The following DLGAP2 variants were observed in gnomAD, a reference collection of about 807,000 sequenced individuals.
The protein encoded by DLGAP2 is disks large-associated protein 2.
DLGAP2 carries 26 observed loss-of-function variants against 100.3 expected under a neutral mutation model. That is an observed-to-expected ratio of 0.26 (90% CI 0.19 to 0.36). The LOEUF (loss-of-function observed/expected upper bound fraction) is 0.36. DLGAP2 is among the 10% of genes least tolerant of loss of function. DLGAP2 has a pLI of 1.00. For synonymous variants in DLGAP2, 886 were observed against 630.1 expected (o/e 1.41, Z -6.08); for missense variants, 1,858 against 1,453.2 (o/e 1.28, Z -4.53).
At chr8:1,364,712 G>T (rs117509880) in intron 3 of DLGAP2, among the ~76,000 whole-genome samples, 7 of 152,186 alleles carry the variant, frequency 4.6e-5, no homozygotes, top group East Asian at 1.9e-4. Flanking sequence ...AAGCTTGCGT[G>T]GGGGAGACAG....
intron 3 of DLGAP2, chr8:1,381,055 A>G (rs1230823113): frequency 6.6e-6 from 1 of 151,950 alleles, no homozygotes; most frequent in African/African-American, 2.4e-5. Context: ...TCCTTTCTAA[A>G]TCAAAATTAG....
chr8:787,670 G>A (rs901428871), intron 1 of DLGAP2, among the ~76,000 whole-genome samples: 7 of 152,128 alleles, frequency 4.6e-5, no homozygotes, highest in South Asian at 2.1e-4. Flanking sequence ...GTCTTGCTCC[G>A]GGCCCCCTTG....
chr8:1,459,826 C>A (rs538000163), intron 3 of DLGAP2, among the ~76,000 whole-genome samples: 1 of 151,602 alleles, frequency 6.6e-6, no homozygotes, highest in African/African-American at 2.4e-5. Context: ...GCGGGAATTG[C>A]AGGTGCGCAC....
At chr8:759,161 C>A (rs112675261) in intron 1 of DLGAP2, among the ~76,000 whole-genome samples, 6 of 76,684 alleles carry the variant, frequency 7.8e-5, no homozygotes, top group Admixed American at 1.4e-4. Context: ...CAATACCCCC[C>A]ACAGCCTTCC....
intron 3 of DLGAP2, among the ~76,000 whole-genome samples, chr8:1,440,910 C>A (rs1797811417): frequency 6.6e-6 from 1 of 152,218 alleles, no homozygotes; most frequent in Non-Finnish European, 1.5e-5. Flanking sequence ...GTTTGGAGGA[C>A]TGTCTTCTGA....
chr8:1,331,580 T>C (rs1801159130), intron 3 of DLGAP2, among the ~76,000 whole-genome samples: 1 of 152,212 alleles, frequency 6.6e-6, no homozygotes, highest in South Asian at 2.1e-4. Flanking sequence ...CCTCGGTGTT[T>C]AATAATATAA....
chr8:1,006,588 G>A (rs376678635), intron 2 of DLGAP2, among the ~76,000 whole-genome samples: 13 of 45,048 alleles, frequency 2.9e-4, no homozygotes, highest in African/African-American at 9.4e-4. Flanking sequence ...GGCGCCCTGC[G>A]TCTCAAGTCT....
chr8:1,502,104 C>T (rs1584959630), intron 4 of DLGAP2, among the ~76,000 whole-genome samples: 2 of 152,276 alleles, frequency 1.3e-5, no homozygotes, highest in East Asian at 3.9e-4. Flanking sequence ...AACGTCAAAC[C>T]ACAGCTGAAG....
intron 3 of DLGAP2, among the ~76,000 whole-genome samples, chr8:1,351,712 A>ACTGTGTGTGGAAAGGACG (rs1801730916): frequency 3.9e-5 from 1 of 25,686 alleles, no homozygotes; most frequent in Non-Finnish European, 8.0e-5. Context: ...TGGAAAGGCC[A>ACTGTGTGTGGAAAGGACG]TGCGGGTCCT....
intron 2 of DLGAP2, among the ~76,000 whole-genome samples, chr8:1,155,737 G>A (rs1796771769): frequency 6.6e-6 from 1 of 152,184 alleles, no homozygotes; most frequent in East Asian, 1.9e-4. Context: ...CGCGGGCTGC[G>A]TCCCTGGAGC....
Position 1,703,992 on chromosome 8 carries a change from A to G in DLGAP2, c.*2586A>G, listed in dbSNP as rs924041604. 2 of 152,638 alleles carry G rather than the reference A, an allele frequency of 1.3e-5. No individual in the cohort carries two copies. Among genetic ancestry groups the G allele is most frequent in the East Asian group, 1.9e-4 (1 of 5,196 alleles). 9.5% of individuals were successfully genotyped at this position (152,638 alleles called of 1,614,324 possible). On this transcript the variant is annotated 3_prime_UTR_variant, in exon 15 of 15. Coordinates refer to ENST00000637795, the MANE Select transcript of DLGAP2 (RefSeq NM_001346810.2). ...TGATGGAATGTTACCTGTCCGTGTT[A>G]CATAATCAAGTGCAATATACTCAGT...
At chr8:1,235,202 G>A (rs556027668) in intron 2 of DLGAP2, among the ~76,000 whole-genome samples, 13 of 143,068 alleles carry the variant, frequency 9.1e-5, no homozygotes, top group African/African-American at 2.9e-4. Flanking sequence ...CACACATGGC[G>A]TCATGTCTAG....
At chr8:777,682 A>G (rs1821563306) in intron 1 of DLGAP2, among the ~76,000 whole-genome samples, 1 of 151,112 alleles carries the variant, frequency 6.6e-6, no homozygotes, top group East Asian at 1.9e-4. Context: ...ATTGGCCCCC[A>G]CTCTCTTCTG....
chr8:1,101,771 CG>C, intron 2 of DLGAP2, among the ~76,000 whole-genome samples: 3 of 32,948 alleles, frequency 9.1e-5, no homozygotes, highest in African/African-American at 1.5e-4. Context: ...GAACACGACA[CG>C]ACGATGGGAA....
intron 3 of DLGAP2, among the ~76,000 whole-genome samples, chr8:1,391,561 G>A (rs912892877): frequency 7.9e-5 from 12 of 152,158 alleles, no homozygotes; most frequent in Non-Finnish European, 1.6e-4. Flanking sequence ...AGCGCTACCA[G>A]CACATGTTCC....
At chr8:1,121,825 C>A (rs1034606182) in intron 2 of DLGAP2, among the ~76,000 whole-genome samples, 6 of 152,248 alleles carry the variant, frequency 3.9e-5, no homozygotes, top group African/African-American at 1.4e-4. Flanking sequence ...CTTTAGAATT[C>A]ATGACAACAC....
At chr8:879,230 T>A (rs891159146) in intron 1 of DLGAP2, among the ~76,000 whole-genome samples, 1 of 152,216 alleles carries the variant, frequency 6.6e-6, no homozygotes, top group Middle Eastern at 3.2e-3. Flanking sequence ...ATAGATAATT[T>A]CCCTGTTAGC....
chr8:1,065,070 A>G (rs1803204852), intron 2 of DLGAP2, among the ~76,000 whole-genome samples: 1 of 152,224 alleles, frequency 6.6e-6, no homozygotes, highest in Non-Finnish European at 1.5e-5. Flanking sequence ...CAGCGTGCCC[A>G]GGGGATTTCT....
At chr8:1,630,191 G>C (rs891381013) in intron 7 of DLGAP2, among the ~76,000 whole-genome samples, 1 of 152,156 alleles carries the variant, frequency 6.6e-6, no homozygotes, top group African/African-American at 2.4e-5. Flanking sequence ...TAGTAAGTGA[G>C]ACTGTATCAC....
Sources: allele counts gnomAD v4.1 joint callset (sites outside exome capture counted in the v4.1 genomes callset), GRCh38; gene constraint gnomAD v4.1.1; transcripts MANE v1.5; gene names NCBI Gene and HGNC (gene_info 2026-07-23, HGNC 2026-07-21).